Variants in NBDY observed in about 807,000 individuals in gnomAD.
NBDY encodes the protein P-body dissociating protein.
chrX:56,729,479 C>A lies in NBDY; in HGVS notation c.126C>A (p.Asn42Lys). The change falls in exon 1 of 3, where the codon AAC becomes AAA. Residue 42 changes from asparagine to lysine, a missense_variant. Coordinates refer to ENST00000374922, the MANE Select transcript of NBDY (RefSeq NM_001348129.2). ...GGGATTATCCGGAAGGAACTCCCAACGGAGGTAGTACCACTCTACCCTCCG... is the reference window on the plus strand; with the variant it reads ...GGGATTATCCGGAAGGAACTCCCAAAGGAGGTAGTACCACTCTACCCTCCG... ...PRWDYPEGTP[N>K]GGSTTLPSAP... The A allele has an allele frequency of 3.4e-6, 1 of 297,948 alleles. No homozygotes were observed. Among genetic ancestry groups the A allele is most frequent in the Non-Finnish European group, 5.9e-6 (1 of 170,334 alleles). The allele number at this position is 297,948 out of a possible 1,213,427, so 24.6% of individuals were successfully genotyped here. A position where few individuals can be genotyped will look rare whatever the true frequency, so the allele number is the denominator to read the frequency against.
intron 1 of NBDY, among the ~76,000 whole-genome samples, chrX:56,730,198 G>A (rs1215692865): frequency 9.1e-6 from 1 of 109,346 alleles, no homozygotes; most frequent in Non-Finnish European, 1.9e-5. Context: ...TCACTGCCTG[G>A]TAGTAATCAT....
chrX:56,765,144 G>A (rs979009894), intron 2 of NBDY, among the ~76,000 whole-genome samples: 9 of 112,051 alleles, frequency 8.0e-5, no homozygotes, highest in East Asian at 2.8e-4. Flanking sequence ...CGGGGACACC[G>A]TTAGGGAAAA....
chrX:56,739,592 T>C (rs1299677229), intron 2 of NBDY, among the ~76,000 whole-genome samples: 1 of 109,082 alleles, frequency 9.2e-6, no homozygotes, highest in African/African-American at 3.3e-5. Flanking sequence ...ATTTCCCCAT[T>C]ATTCAGAGTA....
intron 2 of NBDY, among the ~76,000 whole-genome samples, chrX:56,755,675 A>G (rs1319263161): frequency 9.0e-6 from 1 of 110,642 alleles, no homozygotes; most frequent in Admixed American, 9.6e-5. Context: ...AAATAGGAAC[A>G]CTTTTACACT....
At chrX:56,815,380 A>C (rs2146745372) in intron 2 of NBDY, among the ~76,000 whole-genome samples, 1 of 111,887 alleles carries the variant, frequency 8.9e-6, no homozygotes, top group Non-Finnish European at 1.9e-5. Context: ...TAAATTCTTA[A>C]AAAATTGTCC....
intron 2 of NBDY, among the ~76,000 whole-genome samples, chrX:56,794,345 T>G (rs1162694857): frequency 8.9e-6 from 1 of 111,948 alleles, no homozygotes; most frequent in Non-Finnish European, 1.9e-5. Flanking sequence ...CATGTCTTCT[T>G]CTTCCCCCAC....
chrX:56,748,729 T>C (rs191886356), intron 2 of NBDY, among the ~76,000 whole-genome samples: 1,353 of 104,927 alleles, frequency 0.013, 15 homozygotes, highest in Middle Eastern at 0.038. Flanking sequence ...TATTTATTAA[T>C]TTGTAAATTA....
intron 2 of NBDY, among the ~76,000 whole-genome samples, chrX:56,794,859 T>A (rs765896314): frequency 8.3e-4 from 93 of 112,386 alleles, no homozygotes; most frequent in African/African-American, 2.9e-3. Flanking sequence ...ATCCATACAT[T>A]GTTGACCCAT....
chrX:56,798,875 CT>C (rs1457400512), intron 2 of NBDY, among the ~76,000 whole-genome samples: 1 of 112,034 alleles, frequency 8.9e-6, no homozygotes, highest in Non-Finnish European at 1.9e-5. Context: ...TCCCTCCTGT[CT>C]TTTTCTCGTT....
intron 2 of NBDY, among the ~76,000 whole-genome samples, chrX:56,812,367 T>C (rs1008174718): frequency 2.6e-4 from 29 of 110,020 alleles, no homozygotes; most frequent in Admixed American, 2.4e-3. Flanking sequence ...ATAATCAGAA[T>C]CCCCCTCCTC....
intron 2 of NBDY, among the ~76,000 whole-genome samples, chrX:56,802,566 C>T (rs906574236): frequency 8.9e-6 from 1 of 112,368 alleles, no homozygotes; most frequent in South Asian, 3.7e-4. Flanking sequence ...TTTTGGTGAC[C>T]TCCATGTGCC....
intron 2 of NBDY, among the ~76,000 whole-genome samples, chrX:56,749,474 T>C (rs2069572887): frequency 9.0e-6 from 1 of 111,334 alleles, no homozygotes; most frequent in Admixed American, 9.6e-5. Flanking sequence ...TTATCAAGAA[T>C]GTTTATCATT....
chrX:56,739,238 GTATA>G (rs1198957018), intron 2 of NBDY, among the ~76,000 whole-genome samples: 17 of 59,605 alleles, frequency 2.9e-4, no homozygotes, highest in African/African-American at 4.2e-4. Context: ...GTTTGTGTGT[GTATA>G]TATATATATA....
chrX:56,756,961 A>G (rs2069614564), intron 2 of NBDY, among the ~76,000 whole-genome samples: 1 of 111,862 alleles, frequency 8.9e-6, no homozygotes, highest in African/African-American at 3.3e-5. Flanking sequence ...CCTGAAAAAA[A>G]GAAAAGAAAA....
chrX:56,757,997 C>G (rs2069620204), intron 2 of NBDY, among the ~76,000 whole-genome samples: 1 of 111,201 alleles, frequency 9.0e-6, no homozygotes, highest in Non-Finnish European at 1.9e-5. Flanking sequence ...TGTCCCTAGG[C>G]AGCACACTCC....
chrX:56,783,635 C>A (rs1216751352), intron 2 of NBDY, among the ~76,000 whole-genome samples: 2 of 112,096 alleles, frequency 1.8e-5, no homozygotes, highest in African/African-American at 6.5e-5. Context: ...CTGGCTTAGG[C>A]AGAGTCCACC....
intron 2 of NBDY, among the ~76,000 whole-genome samples, chrX:56,762,573 G>A (rs1385805326): frequency 9.0e-6 from 1 of 111,212 alleles, no homozygotes; most frequent in East Asian, 2.9e-4. Context: ...CATTCTGAAT[G>A]CACTTCCTAC....
chrX:56,743,362 G>T (rs1254912217), intron 2 of NBDY, among the ~76,000 whole-genome samples: 1 of 111,118 alleles, frequency 9.0e-6, no homozygotes, highest in East Asian at 2.8e-4. Flanking sequence ...GTTCAGGTAG[G>T]ATTGATATTA....
intron 2 of NBDY, among the ~76,000 whole-genome samples, chrX:56,740,067 A>G (rs1175100836): frequency 1.8e-5 from 2 of 111,619 alleles, no homozygotes; most frequent in Non-Finnish European, 3.8e-5. Context: ...TTAATACCCA[A>G]ATTGTCTCAG....
Sources: allele counts gnomAD v4.1 joint callset (sites outside exome capture counted in the v4.1 genomes callset), GRCh38; gene constraint gnomAD v4.1.1; transcripts MANE v1.5; gene names NCBI Gene and HGNC (gene_info 2026-07-23, HGNC 2026-07-21).